Variants in SYNE1 observed in about 807,000 individuals in gnomAD.
The protein encoded by SYNE1 is nesprin-1.
A neutral mutation model predicts 1,111.0 loss-of-function variants in SYNE1; 616 were observed. That is an observed-to-expected ratio of 0.55 (90% confidence interval 0.52 to 0.59). The LOEUF is 0.59. SYNE1 is among the 20% of genes least tolerant of loss of function. The probability of loss-of-function intolerance (pLI) is 0.00; values close to 1 mark genes in which losing one functional copy is unlikely to be tolerated. For missense variants in SYNE1, 10,006 were observed against 10,417.0 expected, an observed-to-expected ratio of 0.96 and a Z score of 1.72; for synonymous variants, 3,855 against 3,825.8, an observed-to-expected ratio of 1.01 and a Z score of -0.28.
intron 15 of SYNE1, 31 bp from the exon 16 acceptor site, chr6:152,471,796 T>C: frequency 6.2e-7 from 1 of 1,605,072 alleles, no homozygotes; most frequent in Admixed American, 1.7e-5. Flanking sequence ...ATTTATAGAA[T>C]GTAACTAATA....
chr6:152,277,846 G>C, intron 98 of SYNE1: 1 of 560,054 alleles, frequency 1.8e-6, no homozygotes, highest in East Asian at 3.3e-5. Flanking sequence ...ATGTCAGAGT[G>C]CTTTTTGCCT....
chr6:152,596,266 G>GTTTTTTTT (rs1480694776), intron 3 of SYNE1, among the ~76,000 whole-genome samples: 1 of 118,754 alleles, frequency 8.4e-6, no homozygotes, highest in African/African-American at 4.0e-5. Context: ...TTTTTTGTTT[G>GTTTTTTTT]TTTGTTTTTT....
intron 12 of SYNE1, among the ~76,000 whole-genome samples, chr6:152,486,817 T>TA (rs2098943304): frequency 1.3e-5 from 2 of 152,220 alleles, no homozygotes; most frequent in South Asian, 4.1e-4. Context: ...TACAATTATA[T>TA]AAAATCACTA....
intron 128 of SYNE1, 81 bp downstream of exon 128, chr6:152,189,171 G>A: frequency 1.3e-6 from 2 of 1,487,306 alleles, no homozygotes; most frequent in South Asian, 1.1e-5. Flanking sequence ...GGGTCCACAT[G>A]TGGGTTAACC....
intron 20 of SYNE1, among the ~76,000 whole-genome samples, chr6:152,462,120 C>T (rs999003604): frequency 4.5e-4 from 68 of 151,398 alleles, no homozygotes; most frequent in African/African-American, 1.5e-3. Context: ...TAACTCATTG[C>T]CATTATAAAA....
intron 6 of SYNE1, among the ~76,000 whole-genome samples, chr6:152,518,859 TAGAGAGAG>T (rs72326979): frequency 6.7e-6 from 1 of 149,848 alleles, no homozygotes. Context: ...CATACAGAGA[TAGAGAGAG>T]AGAGAGGAGA....
At chr6:152,154,851 A>G in intron 133 of SYNE1, 41 bp downstream of exon 133, 1 of 1,611,958 alleles carries the variant, frequency 6.2e-7, no homozygotes, top group Non-Finnish European at 8.5e-7. Context: ...TGGCTACTTT[A>G]ATAGCAAAAT....
intron 3 of SYNE1, among the ~76,000 whole-genome samples, chr6:152,571,741 C>T (rs540858833): frequency 1.2e-4 from 18 of 152,088 alleles, no homozygotes; most frequent in African/African-American, 3.1e-4. Context: ...ATTACTGTGA[C>T]GAAAGAGGCA....
intron 130 of SYNE1, among the ~76,000 whole-genome samples, chr6:152,174,783 C>T (rs931248245): frequency 6.6e-6 from 1 of 152,158 alleles, no homozygotes; most frequent in Non-Finnish European, 1.5e-5. Flanking sequence ...GATAAGGCCA[C>T]CTCAAAGGAC....
chr6:152,242,184 T>C (rs1019671370), intron 107 of SYNE1, 56 bp downstream of exon 107: 3 of 1,439,078 alleles, frequency 2.1e-6, no homozygotes, highest in Non-Finnish European at 2.9e-6. Context: ...ATATCAGGGT[T>C]TGAGAGCATG....
intron 112 of SYNE1, among the ~76,000 whole-genome samples, chr6:152,233,015 AAG>A (rs751380901): frequency 3.9e-5 from 6 of 152,234 alleles, no homozygotes; most frequent in Non-Finnish European, 5.9e-5. Flanking sequence ...ATGAGTGTCA[AAG>A]AGAGATAAAG....
intron 3 of SYNE1, among the ~76,000 whole-genome samples, chr6:152,551,587 C>A (rs1398938781): frequency 1.3e-5 from 2 of 151,978 alleles, no homozygotes; most frequent in Non-Finnish European, 2.9e-5. Flanking sequence ...TTTGTAAATG[C>A]AAAGAAAAGT....
At chr6:152,418,652 T>C (rs1206907508) in intron 40 of SYNE1, among the ~76,000 whole-genome samples, 1 of 152,164 alleles carries the variant, frequency 6.6e-6, no homozygotes, top group Non-Finnish European at 1.5e-5. Flanking sequence ...TGAGAGAACC[T>C]GAGGAGCAGC....
At chr6:152,584,398 T>C (rs1371649951) in intron 3 of SYNE1, among the ~76,000 whole-genome samples, 1 of 152,200 alleles carries the variant, frequency 6.6e-6, no homozygotes, top group African/African-American at 2.4e-5. Context: ...TGTATTCCCC[T>C]TGGTGCAAAA....
chr6:152,210,969 G>A (rs1033685589), intron 124 of SYNE1, among the ~76,000 whole-genome samples: 3 of 152,176 alleles, frequency 2.0e-5, no homozygotes, highest in African/African-American at 7.2e-5. Context: ...AAAGCTGGCT[G>A]GTATGATCCA....
chr6:152,269,395 C>A, intron 98 of SYNE1, 109 bp from the exon 99 acceptor site: 1 of 1,555,460 alleles, frequency 6.4e-7, no homozygotes, highest in Non-Finnish European at 8.8e-7. Context: ...CAAAGTGGCT[C>A]CACTGGGATG....
chr6:152,571,545 T>G (rs1432223408), intron 3 of SYNE1, among the ~76,000 whole-genome samples: 1 of 152,172 alleles, frequency 6.6e-6, no homozygotes, highest in Admixed American at 6.5e-5. Context: ...TATATTTAAT[T>G]TCTATATGTG....
At chr6:152,215,252 T>TGCC (rs1451358417) in intron 121 of SYNE1, among the ~76,000 whole-genome samples, 192 bp from the exon 122 acceptor site, 2 of 152,160 alleles carry the variant, frequency 1.3e-5, no homozygotes, top group Non-Finnish European at 2.9e-5. Context: ...CAGTCTAAAC[T>TGCC]GCTGCTGCTG....
chr6:152,240,091 C>T (rs2085218670), intron 107 of SYNE1, among the ~76,000 whole-genome samples: 2 of 152,082 alleles, frequency 1.3e-5, no homozygotes, highest in African/African-American at 4.8e-5. Flanking sequence ...CTCTGCATTT[C>T]TAGAGGAGAG....
Sources: gnomAD v4.1 joint callset for allele counts (sites outside exome capture counted in the v4.1 genomes callset) on GRCh38, gnomAD v4.1.1 for gene constraint, MANE v1.5 for transcripts, NCBI Gene and HGNC (gene_info 2026-07-23, HGNC 2026-07-21) for gene names.